Variants in RPTOR observed in about 807,000 individuals in gnomAD.
RPTOR encodes regulatory-associated protein of mTOR.
In RPTOR, 21 loss-of-function variants were observed where a neutral mutation model predicts 169.9. The observed-to-expected ratio is 0.12, with a 90% CI of 0.09 to 0.18. The LOEUF (loss-of-function observed/expected upper bound fraction) is 0.18, where lower values mean the gene tolerates loss of function less well. RPTOR is among the 10% of genes least tolerant of loss of function. RPTOR has a pLI of 1.00. For synonymous variants in RPTOR, 732 were observed against 753.2 expected, an observed-to-expected ratio of 0.97 and a Z score of 0.46; for missense variants, 1,133 against 1,855.9, an observed-to-expected ratio of 0.61 and a Z score of 7.16.
chr17:80,636,244 C>T (rs1050061608), intron 2 of RPTOR, among the ~76,000 whole-genome samples: 17 of 152,106 alleles, frequency 1.1e-4, no homozygotes, highest in South Asian at 2.1e-4. Context: ...TCACCTCCGC[C>T]GCCCCAACTC....
rs35113597 is a variant in RPTOR, at chr17:80,844,976, G to GTTTT, written c.1213-1487_1213-1484dup. Among the ~76,000 whole-genome samples the GTTTT allele has an allele frequency of 1.7e-4, 24 of 145,280 alleles. No homozygotes were observed. The highest frequency in any genetic ancestry group is 1.1e-3 in the South Asian group (5 of 4,606). ...GGATGGGAGAGAGAGGCTGGTAGTT[G>GTTTT]TTTTTTTTTTTTTCTTTAATTCTTT... On this transcript the variant is annotated intron_variant, in intron 10 of 33. Coordinates refer to ENST00000306801, the MANE Select transcript of RPTOR (RefSeq NM_020761.3). The surrounding 1 kb of genome is among the most constrained non-coding windows in gnomAD (Gnocchi z 4.7).
chr17:80,547,634 T>A (rs1387080998), intron 1 of RPTOR, among the ~76,000 whole-genome samples: 2 of 152,172 alleles, frequency 1.3e-5, no homozygotes, highest in African/African-American at 4.8e-5. Flanking sequence ...TGTGGGAGTT[T>A]GGAATCTTGT....
chr17:80,762,971 G>C (rs2066750111), intron 6 of RPTOR, among the ~76,000 whole-genome samples: 1 of 152,188 alleles, frequency 6.6e-6, no homozygotes, highest in Non-Finnish European at 1.5e-5. Flanking sequence ...CTCTCAAAGG[G>C]CCATGATTCT....
At chr17:80,914,858 G>A (rs111433485) in intron 21 of RPTOR, among the ~76,000 whole-genome samples, 5 of 152,370 alleles carry the variant, frequency 3.3e-5, no homozygotes, top group African/African-American at 1.2e-4. Flanking sequence ...GGTCCCCAGT[G>A]AAGTGCCACC....
At chr17:80,920,292 A>G (rs990863887) in intron 21 of RPTOR, among the ~76,000 whole-genome samples, 41 of 152,226 alleles carry the variant, frequency 2.7e-4, no homozygotes, top group African/African-American at 9.9e-4. Flanking sequence ...TAAATGTTGA[A>G]CAAATAAGAA....
intron 13 of RPTOR, among the ~76,000 whole-genome samples, chr17:80,865,827 G>A (rs1052536367): frequency 2.6e-5 from 4 of 151,984 alleles, no homozygotes; most frequent in South Asian, 2.1e-4. Context: ...TATAGAACAC[G>A]CCACACAGCA....
Position 80,936,795 on chromosome 17 carries a change from A to C in RPTOR, c.2920-3701A>C, listed in dbSNP as rs1190926103. Among the ~76,000 whole-genome samples, 3 of 152,256 alleles carry C rather than the reference A, an allele frequency of 2.0e-5. No homozygotes were observed. The highest frequency in any genetic ancestry group is 7.2e-5 in the African/African-American group (3 of 41,474). On this transcript the variant is annotated intron_variant, in intron 24 of 33. Coordinates refer to ENST00000306801, the MANE Select transcript of RPTOR (RefSeq NM_020761.3). The surrounding 1 kb of genome is among the most constrained non-coding windows in gnomAD (Gnocchi z 4.1). The stretch of plus-strand genomic sequence containing the variant: ...TCCCTCTTGTGCTGAAGTCACATGA[A>C]AGATGATGTAAATGCCTTGTTGAGG...
chr17:80,754,741 A>G lies in RPTOR; in HGVS notation c.830+556A>G, dbSNP rs948056240. On this transcript the variant is annotated intron_variant, in intron 6 of 33. Transcript: ENST00000306801. The surrounding 1 kb of genome is among the most constrained non-coding windows in gnomAD (Gnocchi z 4.2). The stretch of plus-strand genomic sequence containing the variant: ...TCCCCAGCAGAACGCACAGTGGGAT[A>G]TGTGTGTTTCCTGCCTCCAAATCCA... 6.6e-6 allele frequency among the ~76,000 whole-genome samples: 1 copy of G among 152,210 alleles called. No homozygotes were observed. The highest frequency in any genetic ancestry group is 1.5e-5 in the Non-Finnish European group (1 of 68,030).
At chr17:80,582,632 G>A (rs914235975) in intron 1 of RPTOR, among the ~76,000 whole-genome samples, 81 of 141,564 alleles carry the variant, frequency 5.7e-4, no homozygotes, top group Non-Finnish European at 9.0e-4. Context: ...TGCAACCTCC[G>A]TCTCCTGGGT....
At chr17:80,611,602 G>T (rs1224747468) in intron 1 of RPTOR, among the ~76,000 whole-genome samples, 1 of 151,992 alleles carries the variant, frequency 6.6e-6, no homozygotes, top group East Asian at 1.9e-4. Context: ...GAATACTCCT[G>T]CACACATCTC....
intron 1 of RPTOR, among the ~76,000 whole-genome samples, chr17:80,592,964 C>T (rs1404982542): frequency 6.6e-6 from 1 of 152,160 alleles, no homozygotes; most frequent in Non-Finnish European, 1.5e-5. Context: ...ATGATAGCCT[C>T]ATAACTGGCC....
Position 80,921,863 on chromosome 17 carries a change from C to T in RPTOR, c.2521-861C>T, listed in dbSNP as rs768315304. On this transcript the variant is annotated intron_variant, in intron 21 of 33. Transcript: ENST00000306801. Reference sequence around the variant, plus strand: ...CGCCCCTCCCCAGGGCAGGTTTCAGCCATGTCTGCCCTGGAGATGAAGGTT... The same window carrying T: ...CGCCCCTCCCCAGGGCAGGTTTCAGTCATGTCTGCCCTGGAGATGAAGGTT... Among the ~76,000 whole-genome samples the T allele has an allele frequency of 1.7e-4, 26 of 152,186 alleles. 1 individual carries two copies. Among genetic ancestry groups the T allele is most frequent in the Admixed American group, 6.5e-4 (10 of 15,286 alleles).
At chr17:80,766,525 C>T (rs150893173) in intron 6 of RPTOR, among the ~76,000 whole-genome samples, 9 of 152,186 alleles carry the variant, frequency 5.9e-5, no homozygotes, top group East Asian at 1.9e-4. Flanking sequence ...CCAGCATGTG[C>T]GTTTTCACAC....
intron 29 of RPTOR, among the ~76,000 whole-genome samples, chr17:80,958,195 T>TC (rs1259862394): frequency 7.2e-3 from 197 of 27,532 alleles, no homozygotes; most frequent in Middle Eastern, 0.031. Flanking sequence ...TCCTCCCACC[T>TC]CACCCCCCCC....
chr17:80,546,456 G>A (rs1480999715), intron 1 of RPTOR, among the ~76,000 whole-genome samples: 1 of 152,154 alleles, frequency 6.6e-6, no homozygotes, highest in African/African-American at 2.4e-5. Context: ...TGTTTGGAGT[G>A]TGGAGAGTGA....
intron 3 of RPTOR, among the ~76,000 whole-genome samples, chr17:80,661,459 A>G (rs1028307778): frequency 9.9e-5 from 15 of 152,254 alleles, no homozygotes; most frequent in African/African-American, 3.4e-4. Context: ...AGCAGGCCTC[A>G]ACTAACAACC....
intron 7 of RPTOR, among the ~76,000 whole-genome samples, chr17:80,818,022 G>A (rs2067341621): frequency 6.6e-6 from 1 of 152,232 alleles, no homozygotes; most frequent in Non-Finnish European, 1.5e-5. Flanking sequence ...GGAAGGTGGA[G>A]ATAAACCCTC....
intron 21 of RPTOR, among the ~76,000 whole-genome samples, chr17:80,918,225 G>A: frequency 6.6e-6 from 1 of 152,224 alleles, no homozygotes; most frequent in East Asian, 1.9e-4. Flanking sequence ...GAGCCACGCT[G>A]CCCAATGCTG....
intron 3 of RPTOR, among the ~76,000 whole-genome samples, chr17:80,663,121 T>C (rs1234332929): frequency 6.6e-6 from 1 of 152,244 alleles, no homozygotes; most frequent in African/African-American, 2.4e-5. Context: ...GTGAGGCTTC[T>C]GAGACTCGTC....
Sources: allele counts gnomAD v4.1 joint callset (sites outside exome capture counted in the v4.1 genomes callset), GRCh38; gene constraint gnomAD v4.1.1; non-coding constraint Gnocchi (gnomAD v3.1); transcripts MANE v1.5; gene names NCBI Gene and HGNC (gene_info 2026-07-23, HGNC 2026-07-21).